Variants in SLC4A8 observed in about 807,000 individuals in gnomAD.
SLC4A8 encodes the protein solute carrier family 4 member 8, also known as electroneutral sodium bicarbonate exchanger 1.
A neutral mutation model predicts 125.0 loss-of-function variants in SLC4A8; 40 were observed. That is an observed-to-expected ratio of 0.32 (90% CI 0.25 to 0.42). The LOEUF (loss-of-function observed/expected upper bound fraction) is 0.42, where lower values mean the gene tolerates loss of function less well. Ranked by LOEUF, SLC4A8 falls within the 10% of genes least tolerant of loss-of-function variation. SLC4A8 has a pLI of 1.00. For missense variants in SLC4A8, 863 were observed against 1,355.1 expected (o/e 0.64, Z 5.70); for synonymous variants, 456 against 476.0 (o/e 0.96, Z 0.55).
chr12:51,395,066 A>G (rs1260959223), intron 1 of SLC4A8, among the ~76,000 whole-genome samples: 1 of 152,212 alleles, frequency 6.6e-6, no homozygotes, highest in African/African-American at 2.4e-5. Context: ...GTTTCTGTAA[A>G]TGAAAAAGTT....
chr12:51,441,957 G>A lies in SLC4A8; in HGVS notation c.130+1168G>A, dbSNP rs535749423. Among the ~76,000 whole-genome samples, 7 of 152,306 alleles carry A rather than the reference G, an allele frequency of 4.6e-5. No homozygotes were observed. The East Asian group carries it at 9.6e-4, about 21-fold the overall frequency. On this transcript the variant is annotated intron_variant, in intron 2 of 24. Coordinates refer to ENST00000453097, the MANE Select transcript of SLC4A8 (RefSeq NM_001039960.3). ...AGAACATGTGAGTTGCAGCAGTTGG[G>A]AGGGAGTGGGAGAAGGAAAGGGTGT...
At chr12:51,408,892 G>A (rs997676145) in intron 1 of SLC4A8, among the ~76,000 whole-genome samples, 2 of 152,046 alleles carry the variant, frequency 1.3e-5, no homozygotes, top group East Asian at 3.9e-4. Context: ...ATCTGACTAG[G>A]TACCCAGTCT....
intron 22 of SLC4A8, among the ~76,000 whole-genome samples, chr12:51,503,475 T>G (rs1938025508): frequency 6.6e-6 from 1 of 152,166 alleles, no homozygotes; most frequent in Non-Finnish European, 1.5e-5. Flanking sequence ...CCTCCCAAAG[T>G]GCTGGGATTA....
intron 4 of SLC4A8, 112 bp from the exon 5 acceptor site, chr12:51,453,427 A>T: frequency 9.2e-7 from 1 of 1,082,516 alleles, no homozygotes; most frequent in Non-Finnish European, 1.3e-6. Flanking sequence ...TAGATTTTAC[A>T]ATGTTCAGTA....
intron 21 of SLC4A8, 117 bp downstream of exon 21, chr12:51,495,235 T>A: frequency 1.2e-6 from 1 of 846,432 alleles, no homozygotes. Context: ...TTAAGTACAT[T>A]CACATTGCTG....
At chr12:51,412,852 T>C (rs2137974540) in intron 1 of SLC4A8, among the ~76,000 whole-genome samples, 1 of 152,372 alleles carries the variant, frequency 6.6e-6, no homozygotes, top group Middle Eastern at 3.4e-3. Context: ...TTTGATTCCA[T>C]ATCTTGGCTA....
Position 51,483,875 on chromosome 12 carries a change from T to C in SLC4A8, c.2173-1912T>C, listed in dbSNP as rs559365919. 7.2e-5 allele frequency among the ~76,000 whole-genome samples: 11 copies of C among 152,194 alleles called. No individual in the cohort carries two copies. The South Asian group carries it at 8.3e-4, about 11-fold the overall frequency. The stretch of plus-strand genomic sequence containing the variant: ...TTTACATTAGGTATATCTCCTAATG[T>C]TATCCCTCCCTGCTCCCCCCACCCC... On this transcript the variant is annotated intron_variant, in intron 16 of 24. Coordinates refer to ENST00000453097, the MANE Select transcript of SLC4A8 (RefSeq NM_001039960.3).
chr12:51,469,702 G>T lies in SLC4A8; in HGVS notation c.1438G>T (p.Ala480Ser). The change falls in exon 12 of 25, where the codon GCT becomes TCT. Residue 480 changes from alanine (A) to serine (S), a missense_variant. This residue lies in a region of SLC4A8 where 390 missense variants were observed against 634.4 expected (regional missense o/e 0.61). Transcript: ENST00000453097. ...AGATGCACTCAGCTTACAGTGTTTG[G>T]CTTCCTTTCTGTTCCTGTACTGTGC... Reference protein sequence around the residue: ...YRDALSLQCLASFLFLYCACM... With the variant: ...YRDALSLQCLSSFLFLYCACM... The T allele has an allele frequency of 6.2e-7, 1 of 1,614,026 alleles. No individual in the cohort carries two copies. The highest frequency in any genetic ancestry group is 8.5e-7 in the Non-Finnish European group (1 of 1,179,996).
intron 22 of SLC4A8, 57 bp downstream of exon 22, chr12:51,497,181 A>G (rs377518910): frequency 9.1e-6 from 14 of 1,543,992 alleles, no homozygotes. Flanking sequence ...GAACATAGGA[A>G]GGGTCATGTG....
chr12:51,404,329 G>A (rs1948449752), intron 1 of SLC4A8, among the ~76,000 whole-genome samples: 1 of 152,114 alleles, frequency 6.6e-6, no homozygotes, highest in African/African-American at 2.4e-5. Context: ...CAAAGAACCT[G>A]CTTTTTCCTT....
chr12:51,403,924 C>T (rs1268633163), intron 1 of SLC4A8, among the ~76,000 whole-genome samples: 1 of 152,240 alleles, frequency 6.6e-6, no homozygotes, highest in African/African-American at 2.4e-5. Flanking sequence ...GCTTGACAAG[C>T]TAAGTGTGTG....
At chr12:51,458,506 C>A (rs1202266738) in intron 6 of SLC4A8, 53 bp from the exon 7 acceptor site, 6 of 1,291,662 alleles carry the variant, frequency 4.6e-6, no homozygotes, top group East Asian at 2.3e-5. Flanking sequence ...TGGGATGTGT[C>A]AGAAGGGGAA....
At position 51,440,692 on chromosome 12, in the gene SLC4A8, A is replaced by G; in HGVS notation, c.49-16A>G. 6 of 1,604,566 alleles carry G rather than the reference A, an allele frequency of 3.7e-6. No individual in the cohort carries two copies. The highest frequency in any genetic ancestry group is 5.1e-6 in the Non-Finnish European group (6 of 1,173,668). On this transcript the variant is annotated splice_polypyrimidine_tract_variant and intron_variant, in intron 1 of 24. Transcript: ENST00000453097. ...GGTATGTGTATTACTGTGACTACTT[A>G]TTTGTGTTTAAACAGAGACCAGATG...
intron 1 of SLC4A8, among the ~76,000 whole-genome samples, chr12:51,432,811 T>C: frequency 6.6e-6 from 1 of 152,154 alleles, no homozygotes; most frequent in African/African-American, 2.4e-5. Context: ...CAATAAACAC[T>C]TGACTTTTTT....
chr12:51,395,252 C>T (rs1359313202), intron 1 of SLC4A8, among the ~76,000 whole-genome samples: 1 of 152,170 alleles, frequency 6.6e-6, no homozygotes, highest in Non-Finnish European at 1.5e-5. Context: ...TGAAAGTTCC[C>T]ATAAGCGCTT....
chr12:51,490,198 G>A (rs1951271670), intron 19 of SLC4A8, among the ~76,000 whole-genome samples: 1 of 152,140 alleles, frequency 6.6e-6, no homozygotes, highest in Admixed American at 6.5e-5. Flanking sequence ...GCACTATAGA[G>A]AACTGAGAGG....
At chr12:51,448,793 C>T (rs1949871565) in intron 2 of SLC4A8, among the ~76,000 whole-genome samples, 1 of 152,136 alleles carries the variant, frequency 6.6e-6, no homozygotes, top group Non-Finnish European at 1.5e-5. Context: ...AGGGAAGCTT[C>T]AGCAGAGACT....
In SLC4A8 at chr12:51,474,333, TC is replaced by T. The variant is rs1241839045; in HGVS notation, c.1905-5del. On this transcript the variant is annotated splice_polypyrimidine_tract_variant and splice_region_variant and intron_variant, in intron 14 of 24. Coordinates refer to ENST00000453097, the MANE Select transcript of SLC4A8 (RefSeq NM_001039960.3). ...TTTCCTCAGGAATCTTTTTAATTTTTCCCCTCAGCTGCAGGTGTACTCTGCC... is the reference window on the plus strand; with the variant it reads ...TTTCCTCAGGAATCTTTTTAATTTTTCCCTCAGCTGCAGGTGTACTCTGCC... 1 of 1,537,104 alleles carries T rather than the reference TC, an allele frequency of 6.5e-7. No homozygotes were observed. Among genetic ancestry groups the T allele is most frequent in the Non-Finnish European group, 8.9e-7 (1 of 1,118,500 alleles).
rs1938261087 is a variant in SLC4A8, at chr12:51,508,586, G to A, written c.*1148G>A. 1 of 152,624 alleles carries A rather than the reference G, an allele frequency of 6.6e-6. No individual in the cohort carries two copies. The highest frequency in any genetic ancestry group is 2.1e-4 in the South Asian group (1 of 4,836). 9.5% of individuals were successfully genotyped at this position (152,624 alleles called of 1,614,324 possible). ...TCATCATCATGGATTTCTTTTGGTT[G>A]ACAAACATTCTGGCTCTCAGATGCA... On this transcript the variant is annotated 3_prime_UTR_variant, in exon 25 of 25. Transcript: ENST00000453097.
Sources: allele counts gnomAD v4.1 joint callset (sites outside exome capture counted in the v4.1 genomes callset), GRCh38; gene constraint gnomAD v4.1.1; regional missense constraint gnomAD v4.1.1; transcripts MANE v1.5; gene names NCBI Gene and HGNC (gene_info 2026-07-23, HGNC 2026-07-21).